The following EML5 variants were observed in gnomAD, a reference collection of about 807,000 sequenced individuals.
The protein encoded by EML5 is echinoderm microtubule-associated protein-like 5.
In EML5, 120 loss-of-function variants were observed where a neutral mutation model predicts 250.0. That is an observed-to-expected ratio of 0.48 (90% CI 0.41 to 0.56). EML5 has a LOEUF of 0.56. EML5 is among the 20% of genes least tolerant of loss of function. The pLI is 0.00. For synonymous variants in EML5, 771 were observed against 806.5 expected, an observed-to-expected ratio of 0.96 and a Z score of 0.75; for missense variants, 2,006 against 2,437.6, an observed-to-expected ratio of 0.82 and a Z score of 3.73.
At chr14:88,769,446 C>A (rs2094363363) in intron 1 of EML5, among the ~76,000 whole-genome samples, 1 of 152,184 alleles carries the variant, frequency 6.6e-6, no homozygotes, top group Non-Finnish European at 1.5e-5. Flanking sequence ...TGTGAGCCAG[C>A]TAAACCTCTT....
chr14:88,668,414 C>G (rs1172727754), intron 21 of EML5, among the ~76,000 whole-genome samples: 1 of 150,200 alleles, frequency 6.7e-6, no homozygotes, highest in Non-Finnish European at 1.5e-5. Context: ...GTTCCAGAGA[C>G]AAGTGAATAA....
intron 29 of EML5, among the ~76,000 whole-genome samples, chr14:88,646,388 A>G (rs1185448190): frequency 1.3e-5 from 2 of 152,178 alleles, no homozygotes; most frequent in African/African-American, 4.8e-5. Context: ...CCTTCTTCAT[A>G]TACTTTTTTG....
chr14:88,662,722 T>C (rs1056430012), intron 24 of EML5, among the ~76,000 whole-genome samples: 1 of 151,942 alleles, frequency 6.6e-6, no homozygotes, highest in African/African-American at 2.4e-5. Flanking sequence ...TTTTGTATTT[T>C]TTTGTAGAGA....
intron 29 of EML5, chr14:88,644,720 ATTTTT>A: frequency 2.2e-6 from 1 of 449,060 alleles, no homozygotes; most frequent in Non-Finnish European, 4.0e-6. Flanking sequence ...ATTTTATTTT[ATTTTT>A]TTTGAGACGG....
intron 2 of EML5, 103 bp from the exon 3 acceptor site, chr14:88,746,386 A>C: frequency 1.1e-6 from 1 of 882,770 alleles, no homozygotes; most frequent in Admixed American, 2.5e-5. Context: ...GGTTTTTATA[A>C]ACATAAAACA....
intron 21 of EML5, among the ~76,000 whole-genome samples, chr14:88,676,928 A>T (rs1357018406): frequency 1.3e-5 from 2 of 152,188 alleles, no homozygotes; most frequent in African/African-American, 4.8e-5. Flanking sequence ...TTTCTGAGAC[A>T]GAGTCTTGCT....
In EML5 at chr14:88,620,934, TAAAA is replaced by T. The variant is rs35953031; in HGVS notation, c.5203-12_5203-9del. 268 of 1,371,254 alleles carry T rather than the reference TAAAA, an allele frequency of 2.0e-4. No individual in the cohort carries two copies. The highest frequency in any genetic ancestry group is 7.9e-4 in the South Asian group (49 of 62,184). The allele number at this position is 1,371,254 out of a possible 1,614,324, so 84.9% of individuals were successfully genotyped here. A position where few individuals can be genotyped will look rare whatever the true frequency, so the allele number is the denominator to read the frequency against. Reference sequence around the variant, plus strand: ...CACTTTGTTTAACATCTTCTGCATTTAAAAAAAAAAAAAAAAAGAGTCATAGGAA... The same window carrying T: ...CACTTTGTTTAACATCTTCTGCATTTAAAAAAAAAAAAAGAGTCATAGGAA... On this transcript the variant is annotated splice_polypyrimidine_tract_variant and intron_variant, in intron 38 of 43. Transcript: ENST00000554922. This position sits in a 1 kb window ranked among gnomAD's most constrained non-coding sequence, Gnocchi z 4.3.
At chr14:88,637,378 A>G (rs890715950) in intron 32 of EML5, among the ~76,000 whole-genome samples, 2 of 152,186 alleles carry the variant, frequency 1.3e-5, no homozygotes, top group Non-Finnish European at 2.9e-5. Context: ...TAAAGGGGAG[A>G]AAAGGGCCAA....
chr14:88,786,562 G>A (rs1295882819), intron 1 of EML5, among the ~76,000 whole-genome samples: 1 of 152,202 alleles, frequency 6.6e-6, no homozygotes, highest in African/African-American at 2.4e-5. Flanking sequence ...GTTTGGCTCT[G>A]TGTCCCCACC....
At chr14:88,650,250 C>T (rs1262480110) in intron 27 of EML5, among the ~76,000 whole-genome samples, 1 of 152,002 alleles carries the variant, frequency 6.6e-6, no homozygotes, top group African/African-American at 2.4e-5. Context: ...GTCAGGAGTT[C>T]GAGACCAGCC....
intron 23 of EML5, 83 bp from the exon 24 acceptor site, chr14:88,663,202 G>A: frequency 1.1e-6 from 1 of 941,316 alleles, no homozygotes; most frequent in Non-Finnish European, 1.5e-6. Context: ...TAAGTTTTAT[G>A]GGAAAAAATC....
chr14:88,713,497 AGCC>A (rs1566682160), intron 9 of EML5, among the ~76,000 whole-genome samples: 1 of 152,102 alleles, frequency 6.6e-6, no homozygotes, highest in Non-Finnish European at 1.5e-5. Flanking sequence ...GTTTAGTTAG[AGCC>A]ACGATCTTGC....
At position 88,718,487 on chromosome 14, in the gene EML5, C is replaced by G. The variant is rs946216798; in HGVS notation, c.1188-3292G>C. On this transcript the variant is annotated intron_variant, in intron 8 of 43. Transcript: ENST00000554922. ...CTGAAAACAGAAAGAGAAGAAACAC[C>G]TAAAAGCCAAGGGAGAAAGCATTTT... 2.6e-5 allele frequency among the ~76,000 whole-genome samples: 4 copies of G among 152,064 alleles called. No homozygotes were observed. In the East Asian group the frequency reaches 7.7e-4, roughly 29 times the overall value.
intron 1 of EML5, among the ~76,000 whole-genome samples, chr14:88,771,303 G>A (rs922147278): frequency 4.6e-5 from 7 of 152,224 alleles, no homozygotes; most frequent in South Asian, 2.1e-4. Flanking sequence ...AACATAGATC[G>A]AATTAAAGAA....
At chr14:88,746,099 A>G (rs1024808738) in intron 3 of EML5, 86 bp downstream of exon 3, 1 of 1,102,082 alleles carries the variant, frequency 9.1e-7, no homozygotes, top group Non-Finnish European at 1.3e-6. Context: ...TGGCAATAAC[A>G]AAATACAGAA....
intron 33 of EML5, among the ~76,000 whole-genome samples, chr14:88,629,509 G>T (rs370177928): frequency 6.6e-6 from 1 of 152,040 alleles, no homozygotes; most frequent in Admixed American, 6.6e-5. Context: ...AGGACCTCTC[G>T]AAGTTACTAA....
chr14:88,753,686 G>A (rs2094126826), intron 2 of EML5, among the ~76,000 whole-genome samples: 1 of 152,072 alleles, frequency 6.6e-6, no homozygotes, highest in African/African-American at 2.4e-5. Context: ...TCATTGACTA[G>A]AAGTAGATGA....
chr14:88,673,735 C>G (rs753435625), intron 21 of EML5, among the ~76,000 whole-genome samples: 2 of 152,106 alleles, frequency 1.3e-5, no homozygotes, highest in African/African-American at 4.8e-5. Flanking sequence ...ATACCAACAA[C>G]AGAAAACAGA....
intron 1 of EML5, among the ~76,000 whole-genome samples, chr14:88,786,511 A>C (rs2140853937): frequency 6.6e-6 from 1 of 152,336 alleles, no homozygotes; most frequent in South Asian, 2.1e-4. Context: ...CCTAAATGCC[A>C]CTTAAGAAAG....
Sources: gnomAD v4.1 joint callset for allele counts (sites outside exome capture counted in the v4.1 genomes callset) on GRCh38, gnomAD v4.1.1 for gene constraint, Gnocchi (gnomAD v3.1) non-coding constraint, MANE v1.5 for transcripts, NCBI Gene and HGNC (gene_info 2026-07-23, HGNC 2026-07-21) for gene names.